Variants in CACNA1C observed in about 807,000 individuals in gnomAD.
CACNA1C encodes the protein calcium voltage-gated channel subunit alpha1 C, also known as voltage-dependent L-type calcium channel subunit alpha-1C.
A neutral mutation model predicts 229.0 loss-of-function variants in CACNA1C; 30 were observed. That is an observed-to-expected ratio of 0.13 (90% CI 0.10 to 0.18). The LOEUF is 0.18. Ranked by LOEUF, CACNA1C falls within the 10% of genes least tolerant of loss-of-function variation. The probability of loss-of-function intolerance (pLI) is 1.00; values close to 1 mark genes in which losing one functional copy is unlikely to be tolerated. For missense variants in CACNA1C, 1,658 were observed against 2,845.0 expected, an observed-to-expected ratio of 0.58 and a Z score of 9.49; for synonymous variants, 1,114 against 1,132.5, an observed-to-expected ratio of 0.98 and a Z score of 0.33.
Position 2,677,156 on chromosome 12 carries a change from T to TAC in CACNA1C, c.4891_4892insAC (p.Phe1631TyrfsTer54). 1 of 1,613,716 alleles carries TAC rather than the reference T, an allele frequency of 6.2e-7. No individual in the cohort carries two copies. Among genetic ancestry groups the TAC allele is most frequent in the Non-Finnish European group, 8.5e-7 (1 of 1,179,824 alleles). On this transcript the variant is annotated frameshift_variant, in exon 40 of 47. Coordinates refer to ENST00000399655, the MANE Select transcript of CACNA1C (RefSeq NM_000719.7). LOFTEE classifies it high-confidence loss of function. The surrounding 1 kb of genome is among the most constrained non-coding windows in gnomAD (Gnocchi z 7.4). Reference sequence around the variant, plus strand: ...CCTGATCCAGGAGTACTTCCGGAAGTTCAAGAAGCGCAAAGAGCAGGGCCT... The same window carrying TAC: ...CCTGATCCAGGAGTACTTCCGGAAGTACTCAAGAAGCGCAAAGAGCAGGGCCT...
intron 21 of CACNA1C, among the ~76,000 whole-genome samples, chr12:2,598,031 T>C (rs549864032): frequency 6.6e-6 from 1 of 152,324 alleles, no homozygotes; most frequent in South Asian, 2.1e-4. Flanking sequence ...TGTGTCACAG[T>C]GATCACAGGC....
intron 3 of CACNA1C, among the ~76,000 whole-genome samples, chr12:2,344,632 G>A (rs1397343225): frequency 1.3e-5 from 2 of 152,110 alleles, no homozygotes; most frequent in East Asian, 3.9e-4. Flanking sequence ...GTCCTGGGAT[G>A]GGCCCTCACC....
chr12:2,604,949 A>T, intron 22 of CACNA1C, 132 bp from the exon 23 acceptor site: 1 of 717,892 alleles, frequency 1.4e-6, no homozygotes, highest in Non-Finnish European at 2.5e-6. Flanking sequence ...GAATGCGAAC[A>T]TCCCCAAGAT....
chr12:2,585,365 T>C lies in CACNA1C; in HGVS notation c.2340-11T>C, dbSNP rs1238950665. The C allele has an allele frequency of 6.2e-7, 1 of 1,611,058 alleles. No individual in the cohort carries two copies. Among genetic ancestry groups the C allele is most frequent in the Admixed American group, 1.7e-5 (1 of 59,608 alleles). The stretch of plus-strand genomic sequence containing the variant: ...ACAGCCATTTATTTTTTTCTGCTGC[T>C]GACTGGCCAGGACTGCCAGCCCAGA... On this transcript the variant is annotated splice_polypyrimidine_tract_variant and intron_variant, in intron 16 of 46. Coordinates refer to ENST00000399655, the MANE Select transcript of CACNA1C (RefSeq NM_000719.7). This position sits in a 1 kb window ranked among gnomAD's most constrained non-coding sequence, Gnocchi z 4.1.
At chr12:2,072,348 G>A (rs146811999) in intron 1 of CACNA1C, among the ~76,000 whole-genome samples, 2,949 of 152,054 alleles carry the variant, frequency 0.019, 87 homozygotes, top group African/African-American at 0.067. Flanking sequence ...ACAGGCACAC[G>A]CCACCGTGCC....
intron 9 of CACNA1C, among the ~76,000 whole-genome samples, chr12:2,541,755 C>T (rs983959884): frequency 3.9e-5 from 6 of 152,380 alleles, no homozygotes; most frequent in Non-Finnish European, 2.9e-5. Context: ...AGGCCAGCCA[C>T]TCCTGCTGAC....
At chr12:2,565,206 C>G (rs749378811) in intron 11 of CACNA1C, among the ~76,000 whole-genome samples, 6 of 151,996 alleles carry the variant, frequency 3.9e-5, no homozygotes, top group Non-Finnish European at 7.4e-5. Flanking sequence ...CGGTGGCTCA[C>G]GCCTGTAATC....
intron 13 of CACNA1C, among the ~76,000 whole-genome samples, chr12:2,571,810 A>G (rs1407562278): frequency 2.0e-5 from 3 of 152,200 alleles, no homozygotes; most frequent in East Asian, 1.9e-4. Context: ...GGGGGATCCC[A>G]TAAGTCCGTC....
chr12:2,349,621 G>A (rs1435651474), intron 3 of CACNA1C, among the ~76,000 whole-genome samples: 1 of 152,062 alleles, frequency 6.6e-6, no homozygotes, highest in Admixed American at 6.5e-5. Context: ...GGTGGTGTCT[G>A]GACTCAGGAG....
chr12:2,222,112 T>A (rs1356525572), intron 3 of CACNA1C: 1 of 152,242 alleles, frequency 6.6e-6, no homozygotes, highest in Admixed American at 6.5e-5. Flanking sequence ...ATTCTCTATT[T>A]ATGATTCTTC....
intron 3 of CACNA1C, among the ~76,000 whole-genome samples, chr12:2,396,902 G>T (rs1239158265): frequency 6.6e-6 from 1 of 152,254 alleles, no homozygotes; most frequent in African/African-American, 2.4e-5. Context: ...GAGGCCCAGG[G>T]CAGGCTGCTG....
At chr12:2,480,268 G>A (rs1249911296) in intron 5 of CACNA1C, among the ~76,000 whole-genome samples, 1 of 152,128 alleles carries the variant, frequency 6.6e-6, no homozygotes, top group African/African-American at 2.4e-5. Flanking sequence ...GGACCCCACA[G>A]CCCTGGCGCC....
intron 1 of CACNA1C, among the ~76,000 whole-genome samples, chr12:2,076,804 G>C (rs1408880569): frequency 6.6e-6 from 1 of 152,204 alleles, no homozygotes; most frequent in Non-Finnish European, 1.5e-5. Context: ...GGGTCACCCT[G>C]GTTGGAAGGC....
chr12:2,457,369 C>T (rs2099438797), intron 4 of CACNA1C, among the ~76,000 whole-genome samples, 198 bp from the exon 5 acceptor site: 1 of 152,224 alleles, frequency 6.6e-6, no homozygotes, highest in African/African-American at 2.4e-5. Context: ...TGGTGGCACC[C>T]TGGGCATGGC....
intron 1 of CACNA1C, among the ~76,000 whole-genome samples, chr12:1,989,471 T>G (rs1043384557): frequency 5.9e-5 from 9 of 152,194 alleles, no homozygotes; most frequent in Non-Finnish European, 1.3e-4. Flanking sequence ...TCCCAGCCCT[T>G]TGGGAGGCCA....
At chr12:2,462,063 A>C (rs1270492495) in intron 5 of CACNA1C, among the ~76,000 whole-genome samples, 1 of 151,632 alleles carries the variant, frequency 6.6e-6, no homozygotes, top group Non-Finnish European at 1.5e-5. Context: ...TTCCTCCCTA[A>C]GCTCACCCCC....
chr12:2,515,480 C>T (rs939828388), intron 9 of CACNA1C, among the ~76,000 whole-genome samples: 3 of 152,132 alleles, frequency 2.0e-5, no homozygotes, highest in Non-Finnish European at 2.9e-5. Context: ...TTTCAATTAC[C>T]GTAATATCTT....
chr12:2,463,099 G>C (rs2099524961), intron 5 of CACNA1C, among the ~76,000 whole-genome samples: 1 of 68 alleles, frequency 0.015, no homozygotes, highest in Non-Finnish European at 0.024. Flanking sequence ...TTTTAGTAGA[G>C]ACGGGTTTCA....
At chr12:2,463,319 A>G (rs536749009) in intron 5 of CACNA1C, among the ~76,000 whole-genome samples, 2 of 152,362 alleles carry the variant, frequency 1.3e-5, no homozygotes, top group South Asian at 4.1e-4. Flanking sequence ...TGAGTCATTT[A>G]TCAATTTGTT....
Sources: gnomAD v4.1 joint callset for allele counts (sites outside exome capture counted in the v4.1 genomes callset) on GRCh38, gnomAD v4.1.1 for gene constraint, Gnocchi (gnomAD v3.1) non-coding constraint, MANE v1.5 for transcripts, NCBI Gene and HGNC (gene_info 2026-07-23, HGNC 2026-07-21) for gene names.